Variants in ITCH observed in about 807,000 individuals in gnomAD.
ITCH encodes itchy E3 ubiquitin protein ligase.
Under a neutral mutation model 126.8 loss-of-function variants are expected in ITCH, and 28 were observed. The observed-to-expected ratio is 0.22, with a 90% CI of 0.16 to 0.30. The LOEUF (loss-of-function observed/expected upper bound fraction) is 0.30, where lower values mean the gene tolerates loss of function less well. Ranked by LOEUF, ITCH falls within the 10% of genes least tolerant of loss-of-function variation. The pLI is 1.00. For missense variants in ITCH, 631 were observed against 1,032.4 expected (o/e 0.61, Z 5.33); for synonymous variants, 342 against 340.0 (o/e 1.01, Z -0.06).
chr20:34,435,139 C>A (rs1424244786), intron 7 of ITCH, among the ~76,000 whole-genome samples: 2 of 150,818 alleles, frequency 1.3e-5, no homozygotes, highest in Non-Finnish European at 2.9e-5. Flanking sequence ...TCCCAGGAGT[C>A]TTGAGCTGTG....
Position 34,470,136 on chromosome 20 carries a change from G to A in ITCH, c.1497+16G>A, listed in dbSNP as rs1360771805. Reference sequence around the variant, plus strand: ...CTGGTGTCAGGTTAGTATTGGAACTGTATCTCTGTACTGCCTTAACTTTGT... The same window carrying A: ...CTGGTGTCAGGTTAGTATTGGAACTATATCTCTGTACTGCCTTAACTTTGT... On this transcript the variant is annotated intron_variant, in intron 15 of 24. Coordinates refer to ENST00000374864, the MANE Select transcript of ITCH (RefSeq NM_031483.7). 1 of 1,590,560 alleles carries A rather than the reference G, an allele frequency of 6.3e-7. No individual in the cohort carries two copies. Among genetic ancestry groups the A allele is most frequent in the South Asian group, 1.1e-5 (1 of 90,344 alleles).
intron 2 of ITCH, among the ~76,000 whole-genome samples, chr20:34,385,020 A>ATT (rs972288487): frequency 7.2e-6 from 1 of 137,968 alleles, no homozygotes. Flanking sequence ...AAACAAGAAA[A>ATT]TTTTTTTTTT....
At chr20:34,503,852 G>GT (rs1455786589) in intron 23 of ITCH, among the ~76,000 whole-genome samples, 1 of 137,194 alleles carries the variant, frequency 7.3e-6, no homozygotes, top group African/African-American at 2.7e-5. Context: ...GGGTTTTTTG[G>GT]GTTTTTTTTT....
chr20:34,447,118 A>G (rs1366810947), intron 11 of ITCH, among the ~76,000 whole-genome samples: 24 of 151,988 alleles, frequency 1.6e-4, no homozygotes, highest in African/African-American at 2.4e-5. Context: ...TGGAGCACCA[A>G]CGGTGTGTTT....
intron 7 of ITCH, among the ~76,000 whole-genome samples, chr20:34,436,972 C>T (rs1983082279): frequency 6.6e-6 from 1 of 151,938 alleles, no homozygotes; most frequent in African/African-American, 2.4e-5. Flanking sequence ...ACGAAATACA[C>T]AAAAGAATTA....
At chr20:34,364,414 C>G (rs1001629171) in intron 1 of ITCH, among the ~76,000 whole-genome samples, 1 of 152,090 alleles carries the variant, frequency 6.6e-6, no homozygotes, top group Non-Finnish European at 1.5e-5. Flanking sequence ...TCTCCTGCAT[C>G]TTTTCCTGAT....
intron 4 of ITCH, among the ~76,000 whole-genome samples, chr20:34,409,783 T>G (rs1978718799): frequency 6.6e-6 from 1 of 151,750 alleles, no homozygotes; most frequent in Non-Finnish European, 1.5e-5. Flanking sequence ...TAGCTCAGTT[T>G]TAACACAAAG....
At chr20:34,452,531 T>C (rs954044786) in intron 12 of ITCH, among the ~76,000 whole-genome samples, 1 of 152,218 alleles carries the variant, frequency 6.6e-6, no homozygotes, top group East Asian at 1.9e-4. Context: ...GTGACAGCAC[T>C]GGTAGTATAT....
chr20:34,436,600 T>C (rs1983036312), intron 7 of ITCH, among the ~76,000 whole-genome samples: 2 of 152,226 alleles, frequency 1.3e-5, no homozygotes, highest in Admixed American at 1.3e-4. Flanking sequence ...TTCCCTCTAT[T>C]ATAAGCATTT....
At chr20:34,495,766 C>T (rs569460061) in intron 23 of ITCH, among the ~76,000 whole-genome samples, 30 of 151,830 alleles carry the variant, frequency 2.0e-4, no homozygotes, top group African/African-American at 6.5e-4. Flanking sequence ...GATGTCTGTT[C>T]GACATACTGA....
chr20:34,395,885 A>G (rs995810954), intron 3 of ITCH, among the ~76,000 whole-genome samples: 5 of 152,120 alleles, frequency 3.3e-5, no homozygotes, highest in Non-Finnish European at 1.5e-5. Context: ...TTTGGATTTT[A>G]TGAAAAATGC....
intron 12 of ITCH, among the ~76,000 whole-genome samples, chr20:34,455,010 A>G (rs1209326497): frequency 6.6e-6 from 1 of 151,532 alleles, no homozygotes; most frequent in Non-Finnish European, 1.5e-5. Context: ...TTGTATTTTT[A>G]GTAGAGACGG....
chr20:34,491,840 A>G (rs993570660), intron 22 of ITCH, among the ~76,000 whole-genome samples: 1 of 152,236 alleles, frequency 6.6e-6, no homozygotes, highest in African/African-American at 2.4e-5. Flanking sequence ...CAAAACCTAA[A>G]GAACATTGAG....
intron 1 of ITCH, among the ~76,000 whole-genome samples, chr20:34,364,307 T>C (rs1392397116): frequency 6.6e-6 from 1 of 152,124 alleles, no homozygotes; most frequent in Non-Finnish European, 1.5e-5. Flanking sequence ...CTTCCACAGC[T>C]ACAGTATACT....
At chr20:34,397,110 G>A (rs532295744) in intron 3 of ITCH, among the ~76,000 whole-genome samples, 3 of 151,790 alleles carry the variant, frequency 2.0e-5, no homozygotes, top group Non-Finnish European at 2.9e-5. Flanking sequence ...TGCAACCTCC[G>A]CCTCCCAGGT....
At chr20:34,493,550 A>G (rs1989660284) in intron 23 of ITCH, among the ~76,000 whole-genome samples, 1 of 152,252 alleles carries the variant, frequency 6.6e-6, no homozygotes, top group African/African-American at 2.4e-5. Context: ...GTAAAGTTCC[A>G]AAGGAGAAAC....
chr20:34,458,775 A>T (rs1214042793), intron 13 of ITCH, among the ~76,000 whole-genome samples: 1 of 152,218 alleles, frequency 6.6e-6, no homozygotes, highest in Non-Finnish European at 1.5e-5. Context: ...TTTCCTGTTT[A>T]TAAGGACGTC....
At chr20:34,490,197 G>T (rs144081099) in intron 22 of ITCH, among the ~76,000 whole-genome samples, 1 of 152,224 alleles carries the variant, frequency 6.6e-6, no homozygotes, top group African/African-American at 2.4e-5. Flanking sequence ...TGGTTTTGGG[G>T]TTTTATAGGA....
chr20:34,413,944 C>T (rs1979430142), intron 6 of ITCH, 65 bp downstream of exon 6: 1 of 1,309,336 alleles, frequency 7.6e-7, no homozygotes, highest in East Asian at 2.3e-5. Flanking sequence ...TTGTAGTATG[C>T]TGTATGTAAT....
Sources: allele counts gnomAD v4.1 joint callset (sites outside exome capture counted in the v4.1 genomes callset), GRCh38; gene constraint gnomAD v4.1.1; transcripts MANE v1.5; gene names NCBI Gene and HGNC (gene_info 2026-07-23, HGNC 2026-07-21).